The following FOXP1 variants were observed in gnomAD, a reference collection of about 807,000 sequenced individuals.
FOXP1 encodes the protein forkhead box protein P1.
Under a neutral mutation model 98.2 loss-of-function variants are expected in FOXP1, and 15 were observed. That is an observed-to-expected ratio of 0.15 (90% CI 0.10 to 0.24). The LOEUF is 0.24. FOXP1 is among the 10% of genes least tolerant of loss of function. FOXP1 has a pLI of 1.00. For missense variants in FOXP1, 633 were observed against 848.5 expected (o/e 0.75, Z 3.15); for synonymous variants, 371 against 314.5 (o/e 1.18, Z -1.90).
intron 4 of FOXP1, among the ~76,000 whole-genome samples, chr3:71,317,893 G>C (rs2075171014): frequency 6.6e-6 from 1 of 151,412 alleles, no homozygotes; most frequent in Non-Finnish European, 1.5e-5. Context: ...AATGATATGA[G>C]CAAGAACAGC....
At chr3:71,377,369 A>C (rs974433505) in intron 3 of FOXP1, among the ~76,000 whole-genome samples, 1 of 152,212 alleles carries the variant, frequency 6.6e-6, no homozygotes, top group Middle Eastern at 3.2e-3. Context: ...CAGGTATATA[A>C]ATATCATGTA....
chr3:71,076,329 CATCATTTG>C (rs1326649642), intron 7 of FOXP1, among the ~76,000 whole-genome samples: 2 of 152,104 alleles, frequency 1.3e-5, no homozygotes, highest in Non-Finnish European at 1.5e-5. Context: ...CTTTTCTTAC[CATCATTTG>C]ATCATTTGAT....
chr3:71,450,797 G>A (rs1285439904), intron 3 of FOXP1, among the ~76,000 whole-genome samples: 1 of 94,616 alleles, frequency 1.1e-5, no homozygotes, highest in East Asian at 2.0e-4. Context: ...TTTTTTTTTT[G>A]AAGACCTAAT....
At chr3:71,489,749 A>G (rs1377452131) in intron 3 of FOXP1, among the ~76,000 whole-genome samples, 1 of 152,186 alleles carries the variant, frequency 6.6e-6, no homozygotes, top group South Asian at 2.1e-4. Context: ...CCTGCCTCTA[A>G]GTTAATTTAT....
chr3:71,390,266 A>C (rs975951036), intron 3 of FOXP1, among the ~76,000 whole-genome samples: 1 of 152,192 alleles, frequency 6.6e-6, no homozygotes, highest in African/African-American at 2.4e-5. Flanking sequence ...TCAACAAGCC[A>C]AGGGACTTTT....
At chr3:71,161,382 C>T (rs1049204461) in intron 6 of FOXP1, among the ~76,000 whole-genome samples, 2 of 152,258 alleles carry the variant, frequency 1.3e-5, no homozygotes, top group East Asian at 1.9e-4. Flanking sequence ...CTTTCTCATC[C>T]TCCCTCCTCT....
intron 3 of FOXP1, among the ~76,000 whole-genome samples, chr3:71,464,929 T>C (rs889825267): frequency 6.6e-6 from 1 of 152,122 alleles, no homozygotes; most frequent in Non-Finnish European, 1.5e-5. Flanking sequence ...AGTTTCCTCA[T>C]CTGTAAAATG....
intron 20 of FOXP1, among the ~76,000 whole-genome samples, chr3:70,965,157 T>G (rs1277185163): frequency 6.6e-6 from 1 of 152,214 alleles, no homozygotes; most frequent in Non-Finnish European, 1.5e-5. Flanking sequence ...GTTTCTTCGC[T>G]CTGTTTGAAA....
chr3:71,483,141 AC>A (rs2090410546), intron 3 of FOXP1, among the ~76,000 whole-genome samples: 1 of 152,102 alleles, frequency 6.6e-6, no homozygotes, highest in East Asian at 1.9e-4. Context: ...GCCCAGCCTT[AC>A]GTCACTTTTC....
chr3:71,024,196 G>C (rs138498889), intron 11 of FOXP1, among the ~76,000 whole-genome samples: 33 of 152,288 alleles, frequency 2.2e-4, no homozygotes, highest in Admixed American at 9.8e-4. Flanking sequence ...CAGGAGAAAC[G>C]ACGATGCAAG....
At chr3:71,134,387 A>C (rs960989914) in intron 6 of FOXP1, among the ~76,000 whole-genome samples, 1 of 152,218 alleles carries the variant, frequency 6.6e-6, no homozygotes, top group African/African-American at 2.4e-5. Context: ...AAAATACAGC[A>C]GCACCTCCAA....
chr3:71,433,729 G>A (rs899023402), intron 3 of FOXP1, among the ~76,000 whole-genome samples: 1 of 152,098 alleles, frequency 6.6e-6, no homozygotes, highest in African/African-American at 2.4e-5. Context: ...TCTGTTACTC[G>A]GGAGAGCAGC....
At chr3:70,973,482 G>A (rs907026353) in intron 17 of FOXP1, among the ~76,000 whole-genome samples, 2 of 152,062 alleles carry the variant, frequency 1.3e-5, no homozygotes, top group African/African-American at 4.8e-5. Flanking sequence ...CCTTAACATC[G>A]ATAATTTATC....
intron 2 of FOXP1, among the ~76,000 whole-genome samples, chr3:71,497,169 AG>A (rs922330943): frequency 7.9e-5 from 12 of 151,800 alleles, no homozygotes; most frequent in Admixed American, 1.3e-4. Flanking sequence ...AAAACAAAAA[AG>A]AAAAGAAAAA....
intron 2 of FOXP1, among the ~76,000 whole-genome samples, chr3:71,558,865 C>T (rs549887381): frequency 8.8e-4 from 118 of 133,446 alleles, no homozygotes; most frequent in African/African-American, 3.2e-3. Context: ...TGCACTGGTG[C>T]GATCTTGGCT....
intron 2 of FOXP1, among the ~76,000 whole-genome samples, chr3:71,569,079 G>T (rs768308887): frequency 6.6e-6 from 1 of 152,148 alleles, no homozygotes; most frequent in African/African-American, 2.4e-5. Context: ...TTTATTTAAT[G>T]CAGAGAACAG....
intron 5 of FOXP1, among the ~76,000 whole-genome samples, chr3:71,232,701 C>A (rs1355324467): frequency 2.0e-5 from 3 of 151,342 alleles, no homozygotes; most frequent in African/African-American, 7.3e-5. Flanking sequence ...GAGTTCGAGA[C>A]CAGTCTGGGC....
chr3:70,958,633 A>G lies in FOXP1; in HGVS notation c.*614T>C, dbSNP rs75719931. The stretch of plus-strand genomic sequence containing the variant: ...AACTTAAAATGGTATAGTAGAAGGA[A>G]AAAAAAAAAAAAAAAAAGCAATACA... On this transcript the variant is annotated 3_prime_UTR_variant, in exon 21 of 21. Transcript: ENST00000649528. 8.1e-5 allele frequency: 10 copies of G among 124,046 alleles called. No homozygotes were observed. Among genetic ancestry groups the G allele is most frequent in the Non-Finnish European group, 4.3e-5 (3 of 69,682 alleles). The allele number at this position is 124,046 out of a possible 1,614,324, so 7.7% of individuals were successfully genotyped here.
chr3:71,045,463 CA>C (rs1553708944), intron 10 of FOXP1, among the ~76,000 whole-genome samples: 1 of 152,154 alleles, frequency 6.6e-6, no homozygotes, highest in Non-Finnish European at 1.5e-5. Context: ...AACAGCCTGC[CA>C]TATTTCCAAC....
Sources: allele counts gnomAD v4.1 joint callset (sites outside exome capture counted in the v4.1 genomes callset), GRCh38; gene constraint gnomAD v4.1.1; transcripts MANE v1.5; gene names NCBI Gene and HGNC (gene_info 2026-07-23, HGNC 2026-07-21).